ATP11A: variants seen among roughly 807,000 people sequenced by gnomAD.
The protein encoded by ATP11A is ATPase phospholipid transporting 11A.
Under a neutral mutation model 154.4 loss-of-function variants are expected in ATP11A, and 81 were observed. That is an observed-to-expected ratio of 0.52 (90% CI 0.44 to 0.63). The LOEUF (loss-of-function observed/expected upper bound fraction) is 0.63. Among genes scored for constraint, ATP11A ranks in the 30% least tolerant of loss-of-function variants. ATP11A has a pLI of 0.00. For synonymous variants in ATP11A, 623 were observed against 585.9 expected, an observed-to-expected ratio of 1.06 and a Z score of -0.91; for missense variants, 1,316 against 1,474.3, an observed-to-expected ratio of 0.89 and a Z score of 1.76.
intron 25 of ATP11A, among the ~76,000 whole-genome samples, chr13:112,866,034 T>TG (rs1483484813): frequency 6.6e-6 from 1 of 152,232 alleles, no homozygotes; most frequent in African/African-American, 2.4e-5. Context: ...TGAGTAGATT[T>TG]GTAGTTTTCT....
At position 112,696,649 on chromosome 13, in the gene ATP11A, T is replaced by G. The variant is rs750802341; in HGVS notation, c.39+6194T>G. Among the ~76,000 whole-genome samples the G allele has an allele frequency of 6.6e-6, 1 of 152,138 alleles. No individual in the cohort carries two copies. The highest frequency in any genetic ancestry group is 2.4e-5 in the African/African-American group (1 of 41,430). On this transcript the variant is annotated intron_variant, in intron 1 of 29. Coordinates refer to ENST00000375645, the MANE Select transcript of ATP11A (RefSeq NM_015205.3). The surrounding 1 kb of genome is among the most constrained non-coding windows in gnomAD (Gnocchi z 6.2). ...GTTACCCCGCGTAGCTGGCCCGTCC[T>G]TCCTTCTCCTGTCTCTTCTGTGCCT...
chr13:112,878,204 C>A lies in ATP11A; in HGVS notation c.3328-13C>A. On this transcript the variant is annotated splice_polypyrimidine_tract_variant and intron_variant, in intron 28 of 29. Coordinates refer to ENST00000375645, the MANE Select transcript of ATP11A (RefSeq NM_015205.3). ...ACACCCCTGTGTGCGTGGCCGCTGACCTCGGGACTAAGACTAAGAGCCAGT... is the reference window on the plus strand; with the variant it reads ...ACACCCCTGTGTGCGTGGCCGCTGAACTCGGGACTAAGACTAAGAGCCAGT... 2 of 1,613,930 alleles carry A rather than the reference C, an allele frequency of 1.2e-6. No individual in the cohort carries two copies. Among genetic ancestry groups the A allele is most frequent in the Non-Finnish European group, 1.7e-6 (2 of 1,179,780 alleles).
chr13:112,786,613 C>T (rs1281415806), intron 2 of ATP11A, among the ~76,000 whole-genome samples: 1 of 119,346 alleles, frequency 8.4e-6, no homozygotes, highest in Non-Finnish European at 1.7e-5. Context: ...CAGGCACACG[C>T]GTGGACGGGC....
At chr13:112,802,634 A>G (rs1330009287) in intron 2 of ATP11A, among the ~76,000 whole-genome samples, 2 of 151,720 alleles carry the variant, frequency 1.3e-5, no homozygotes, top group Non-Finnish European at 2.9e-5. Flanking sequence ...GCTCAAAGTG[A>G]GTCATAGACC....
At chr13:112,719,172 G>C (rs1888859643) in intron 1 of ATP11A, among the ~76,000 whole-genome samples, 1 of 151,410 alleles carries the variant, frequency 6.6e-6, no homozygotes, top group African/African-American at 2.4e-5. Context: ...GTGTGACTTT[G>C]AATCGCGTCA....
intron 12 of ATP11A, among the ~76,000 whole-genome samples, chr13:112,828,753 CAAA>C (rs1316548505): frequency 6.6e-6 from 1 of 152,212 alleles, no homozygotes; most frequent in East Asian, 1.9e-4. Context: ...TCCTCGTACA[CAAA>C]GAAGTGTGTA....
chr13:112,858,964 G>A lies in ATP11A; in HGVS notation c.2668-429G>A, dbSNP rs140999852. ...CTGCATCCCCCCAGGGTCTGGGAAT[G>A]TACCCCTGAGGATGAGGAGGGCCTG... is the stretch of plus-strand genomic sequence containing the variant. On this transcript the variant is annotated intron_variant, in intron 22 of 29. Coordinates refer to ENST00000375645, the MANE Select transcript of ATP11A (RefSeq NM_015205.3). The A allele has an allele frequency of 5.6e-3, 1,421 of 255,400 alleles. 23 individuals are homozygous for A. Among genetic ancestry groups the A allele is most frequent in the African/African-American group, 0.03 (1,320 of 44,414 alleles). The allele number at this position is 255,400 out of a possible 1,614,324, so 15.8% of individuals were successfully genotyped here.
chr13:112,781,628 C>T (rs1008405438), intron 1 of ATP11A, among the ~76,000 whole-genome samples: 15 of 152,108 alleles, frequency 9.9e-5, no homozygotes, highest in East Asian at 1.9e-4. Context: ...CTGTTAGTGA[C>T]GGTGTCTGCA....
intron 1 of ATP11A, among the ~76,000 whole-genome samples, chr13:112,702,742 C>T (rs1041006804): frequency 1.4e-4 from 21 of 152,194 alleles, no homozygotes. Context: ...GAGAGGAAGG[C>T]GGCCAGAGGC....
At chr13:112,809,699 C>T (rs1470575770) in intron 4 of ATP11A, among the ~76,000 whole-genome samples, 2 of 152,226 alleles carry the variant, frequency 1.3e-5, no homozygotes, top group Non-Finnish European at 2.9e-5. Flanking sequence ...TGTGCAGTCT[C>T]TCACATGCTG....
rs1293164004 is a variant in ATP11A at position 112,753,877 on chromosome 13, T to G, written c.40-31258T>G. Among the ~76,000 whole-genome samples the G allele has an allele frequency of 6.6e-6, 1 of 152,216 alleles. No individual in the cohort carries two copies. Among genetic ancestry groups the G allele is most frequent in the African/African-American group, 2.4e-5 (1 of 41,446 alleles). On this transcript the variant is annotated intron_variant, in intron 1 of 29. Coordinates refer to ENST00000375645, the MANE Select transcript of ATP11A (RefSeq NM_015205.3). This position sits in a 1 kb window ranked among gnomAD's most constrained non-coding sequence, Gnocchi z 4.1. The stretch of plus-strand genomic sequence containing the variant: ...TTCCAAAATGCAATGTAGAGTTATT[T>G]AAATTTAAAAACATGCTGAGGAATT...
chr13:112,831,278 A>G lies in ATP11A; in HGVS notation c.1222-97A>G. On this transcript the variant is annotated intron_variant, in intron 12 of 29. Coordinates refer to ENST00000375645, the MANE Select transcript of ATP11A (RefSeq NM_015205.3). ...GAAATCCACCGCCTATTCAAGTCAC[A>G]GTGGGAGCTGGGGAGGAAACACGGC... The G allele has an allele frequency of 4.5e-6, 6 of 1,344,244 alleles. No individual in the cohort carries two copies. In the South Asian group the frequency reaches 8.1e-5, roughly 18 times the overall value. 83.3% of individuals were successfully genotyped at this position (1,344,244 alleles called of 1,614,324 possible).
At chr13:112,852,297 C>T (rs972474951) in intron 18 of ATP11A, among the ~76,000 whole-genome samples, 3 of 152,202 alleles carry the variant, frequency 2.0e-5, no homozygotes, top group African/African-American at 7.2e-5. Flanking sequence ...CCATTTCGGT[C>T]CAAAACTGAA....
chr13:112,846,545 C>A (rs898979713), intron 17 of ATP11A, among the ~76,000 whole-genome samples: 2 of 152,180 alleles, frequency 1.3e-5, no homozygotes, highest in African/African-American at 2.4e-5. Flanking sequence ...TTAAATCCTC[C>A]TCGCTAACGG....
chr13:112,853,741 A>C (rs528529022), intron 18 of ATP11A, among the ~76,000 whole-genome samples: 164 of 152,350 alleles, frequency 1.1e-3, no homozygotes, highest in African/African-American at 3.8e-3. Context: ...GCATGTGGCA[A>C]GCCCATGGCA....
intron 2 of ATP11A, among the ~76,000 whole-genome samples, chr13:112,803,730 G>C (rs1234600386): frequency 3.9e-4 from 26 of 66,976 alleles, no homozygotes; most frequent in South Asian, 4.9e-4. Flanking sequence ...TTCCCTCCCT[G>C]ACCTCCTTCC....
At chr13:112,848,975 A>G (rs1386139487) in intron 17 of ATP11A, among the ~76,000 whole-genome samples, 3 of 152,218 alleles carry the variant, frequency 2.0e-5, no homozygotes, top group African/African-American at 7.2e-5. Context: ...GGCGTGAGCC[A>G]TCATGCCTTG....
At chr13:112,757,612 T>C (rs2076872029) in intron 1 of ATP11A, among the ~76,000 whole-genome samples, 1 of 152,244 alleles carries the variant, frequency 6.6e-6, no homozygotes, top group Non-Finnish European at 1.5e-5. Context: ...CGCCCACTCC[T>C]TTCCCAGGCT....
chr13:112,702,231 A>G (rs1028280631), intron 1 of ATP11A, among the ~76,000 whole-genome samples: 2 of 150,438 alleles, frequency 1.3e-5, no homozygotes, highest in Admixed American at 1.3e-4. Flanking sequence ...CTGTAATCCC[A>G]CCTACTCGGG....
Sources: allele counts gnomAD v4.1 joint callset (sites outside exome capture counted in the v4.1 genomes callset), GRCh38; gene constraint gnomAD v4.1.1; non-coding constraint Gnocchi (gnomAD v3.1); transcripts MANE v1.5; gene names NCBI Gene and HGNC (gene_info 2026-07-23, HGNC 2026-07-21).